NT5C2: variants seen among roughly 807,000 people sequenced by gnomAD.
NT5C2 encodes the protein cytosolic purine 5'-nucleotidase.
In NT5C2, 58 loss-of-function variants were observed where a neutral mutation model predicts 76.1. That is an observed-to-expected ratio of 0.76 (90% confidence interval 0.62 to 0.95). NT5C2 has a LOEUF of 0.95. Among genes scored for constraint, NT5C2 ranks in the 40% least tolerant of loss-of-function variants. The pLI is 0.00. For synonymous variants in NT5C2, 229 were observed against 237.4 expected (o/e 0.96, Z 0.32); for missense variants, 478 against 690.3 (o/e 0.69, Z 3.45).
intron 3 of NT5C2, chr10:103,153,453 T>C (rs935616672): frequency 3.5e-6 from 4 of 1,131,868 alleles, no homozygotes; most frequent in Non-Finnish European, 4.4e-6. Flanking sequence ...GAACCCTAAC[T>C]AGGCAATATC....
intron 3 of NT5C2, among the ~76,000 whole-genome samples, chr10:103,151,478 A>G (rs2082394034): frequency 6.8e-6 from 1 of 146,764 alleles, no homozygotes; most frequent in African/African-American, 2.4e-5. Context: ...AAAAAAAAAA[A>G]ACACTAGCCT....
intron 10 of NT5C2, chr10:103,097,958 C>A: frequency 2.0e-6 from 1 of 499,430 alleles, no homozygotes. Context: ...CTCAAATTCT[C>A]CCGGACCCTC....
intron 4 of NT5C2, among the ~76,000 whole-genome samples, chr10:103,129,628 G>C (rs1180893079): frequency 9.7e-6 from 1 of 102,614 alleles, no homozygotes; most frequent in Non-Finnish European, 2.1e-5. Flanking sequence ...GAGGTGGGGG[G>C]GGGTCAGCCC....
At chr10:103,184,558 C>A (rs1259705319) in intron 1 of NT5C2, among the ~76,000 whole-genome samples, 1 of 152,116 alleles carries the variant, frequency 6.6e-6, no homozygotes, top group Non-Finnish European at 1.5e-5. Flanking sequence ...GCTGCTGTAT[C>A]CCCAGCATCT....
chr10:103,160,022 CTG>C (rs1565225335), intron 3 of NT5C2, among the ~76,000 whole-genome samples: 1 of 152,174 alleles, frequency 6.6e-6, no homozygotes, highest in Admixed American at 6.5e-5. Flanking sequence ...GTAATCAAGA[CTG>C]TGTGCTACTG....
At chr10:103,159,670 G>C (rs1418069133) in intron 3 of NT5C2, among the ~76,000 whole-genome samples, 1 of 148,466 alleles carries the variant, frequency 6.7e-6, no homozygotes, top group Non-Finnish European at 1.5e-5. Flanking sequence ...AAAAAAGAAA[G>C]AAAAGAAAAT....
Position 103,160,470 on chromosome 10 carries a change from A to G in NT5C2, c.101+14388T>C, listed in dbSNP as rs182802565. Among the ~76,000 whole-genome samples, 170 of 152,364 alleles carry G rather than the reference A, an allele frequency of 1.1e-3. 1 individual carries two copies. Among genetic ancestry groups the G allele is most frequent in the Admixed American group, 2.3e-3 (35 of 15,304 alleles). On this transcript the variant is annotated intron_variant, in intron 3 of 18. Transcript: ENST00000404739. ...AAGTTATTAATGAAAGTCAGCCCAC[A>G]GAACAGGAGACAATATTGGAAAATC...
At chr10:103,186,214 T>A (rs1312588871) in intron 1 of NT5C2, among the ~76,000 whole-genome samples, 4 of 152,218 alleles carry the variant, frequency 2.6e-5, no homozygotes, top group Non-Finnish European at 5.9e-5. Context: ...TTATAAGCAC[T>A]ACAGTTTCTT....
chr10:103,145,923 T>A (rs2081395054), intron 3 of NT5C2: 1 of 274,678 alleles, frequency 3.6e-6, no homozygotes, highest in Non-Finnish European at 5.5e-6. Context: ...GCTTTAGAAA[T>A]AAGAATATTC....
At chr10:103,139,759 C>T (rs1442051744) in intron 3 of NT5C2, among the ~76,000 whole-genome samples, 1 of 152,126 alleles carries the variant, frequency 6.6e-6, no homozygotes, top group Non-Finnish European at 1.5e-5. Flanking sequence ...TATTGTGGTA[C>T]AAGTACTTAA....
chr10:103,182,078 G>C (rs1164211325), intron 1 of NT5C2, among the ~76,000 whole-genome samples: 1 of 151,726 alleles, frequency 6.6e-6, no homozygotes, highest in African/African-American at 2.4e-5. Context: ...AAGACAAAAT[G>C]CCACGCTGCT....
At chr10:103,147,662 ATTCT>A (rs1480466523) in intron 3 of NT5C2, among the ~76,000 whole-genome samples, 1 of 152,180 alleles carries the variant, frequency 6.6e-6, no homozygotes, top group African/African-American at 2.4e-5. Context: ...TAGTTCTCTT[ATTCT>A]TTATTGGATT....
chr10:103,098,831 C>CTCT, intron 10 of NT5C2, 100 bp downstream of exon 10: 6 of 841,174 alleles, frequency 7.1e-6, no homozygotes, highest in Non-Finnish European at 9.5e-6. Context: ...CAAGACAAAT[C>CTCT]TCTTCTTTTG....
In NT5C2 at chr10:103,089,665, TTCC is replaced by T; in HGVS notation, c.*4_*6del. The T allele has an allele frequency of 3.2e-6, 5 of 1,585,556 alleles. No homozygotes were observed. The highest frequency in any genetic ancestry group is 4.3e-6 in the Non-Finnish European group (5 of 1,166,122). ...TTAATGGGTGCTTGGGGTTTTGGTT[TTCC>T]TCCTTATTCTTCCTCCTCCTCCTCC... On this transcript the variant is annotated 3_prime_UTR_variant, in exon 19 of 19. Coordinates refer to ENST00000404739, the MANE Select transcript of NT5C2 (RefSeq NM_001351169.2).
In NT5C2 at chr10:103,096,069, G is replaced by A. The variant is rs796588001; in HGVS notation, c.772-89C>T. 31 of 989,224 alleles carry A rather than the reference G, an allele frequency of 3.1e-5. No homozygotes were observed. In the African/African-American group the frequency reaches 4.2e-4, roughly 13 times the overall value. The allele number at this position is 989,224 out of a possible 1,614,324, so 61.3% of individuals were successfully genotyped here. A position where few individuals can be genotyped will look rare whatever the true frequency, so the allele number is the denominator to read the frequency against. Reference sequence around the variant, plus strand: ...AAATTACAAGCTTTTCACAAAACATGTCTTTTTCAACATAGGACTCACCAC... The same window carrying A: ...AAATTACAAGCTTTTCACAAAACATATCTTTTTCAACATAGGACTCACCAC... On this transcript the variant is annotated intron_variant, in intron 11 of 18. Transcript: ENST00000404739.
intron 3 of NT5C2, among the ~76,000 whole-genome samples, chr10:103,156,032 G>A (rs1242294369): frequency 2.6e-5 from 4 of 152,050 alleles, no homozygotes; most frequent in Admixed American, 2.0e-4. Flanking sequence ...CAGGTATGGT[G>A]GCATGCACCT....
intron 4 of NT5C2, among the ~76,000 whole-genome samples, chr10:103,128,065 CT>C (rs2077022977): frequency 6.7e-6 from 1 of 150,072 alleles, no homozygotes. Flanking sequence ...CCCTCTCCCT[CT>C]CCCTCTCCCT....
intron 3 of NT5C2, among the ~76,000 whole-genome samples, chr10:103,160,370 C>A (rs986442138): frequency 6.6e-6 from 1 of 151,844 alleles, no homozygotes; most frequent in African/African-American, 2.4e-5. Flanking sequence ...AAAGCATACT[C>A]GAAAAAAGAA....
chr10:103,106,705 C>T lies in NT5C2; in HGVS notation c.177G>A (p.Val59=), dbSNP rs756000575. The T allele has an allele frequency of 5.7e-6, 9 of 1,566,840 alleles. No homozygotes were observed. The highest frequency in any genetic ancestry group is 7.9e-6 in the Non-Finnish European group (9 of 1,137,476). The part of the protein sequence containing the change: ...FGFDMDYTLA[V]YKSPEYESLG... ...GGGACTCATACTCTGGGGACTTGTA[C>T]ACTGCACAAAGAGGAGGTTTTCATT... is the stretch of plus-strand genomic sequence containing the variant. The change falls in exon 5 of 19, where the codon GTG becomes GTA. Residue 59 remains valine, a splice_region_variant and synonymous_variant. Transcript: ENST00000404739.
Sources: allele counts gnomAD v4.1 joint callset (sites outside exome capture counted in the v4.1 genomes callset), GRCh38; gene constraint gnomAD v4.1.1; transcripts MANE v1.5; gene names NCBI Gene and HGNC (gene_info 2026-07-23, HGNC 2026-07-21).